The following DLGAP1 variants were observed in gnomAD, a reference collection of about 807,000 sequenced individuals.
DLGAP1 encodes DLG associated protein 1, also known as disks large-associated protein 1.
In DLGAP1, 11 loss-of-function variants were observed where a neutral mutation model predicts 90.8. That is an observed-to-expected ratio of 0.12 (90% CI 0.08 to 0.20). The LOEUF is 0.20. Among genes scored for constraint, DLGAP1 ranks in the 10% least tolerant of loss-of-function variants. The pLI is 1.00. For synonymous variants in DLGAP1, 558 were observed against 540.7 expected, an observed-to-expected ratio of 1.03 and a Z score of -0.44; for missense variants, 1,050 against 1,333.8, an observed-to-expected ratio of 0.79 and a Z score of 3.31.
chr18:4,207,222 C>T (rs1380525600), intron 1 of DLGAP1, among the ~76,000 whole-genome samples: 7 of 152,154 alleles, frequency 4.6e-5, no homozygotes, highest in Non-Finnish European at 1.0e-4. Context: ...AGGGAACTTA[C>T]AACAATGGCG....
At chr18:3,874,576 C>T in intron 4 of DLGAP1, 2 of 1,505,886 alleles carry the variant, frequency 1.3e-6, no homozygotes, top group South Asian at 2.5e-5. Context: ...ATCTCTGAAC[C>T]TCTTCCTATT....
intron 4 of DLGAP1, among the ~76,000 whole-genome samples, chr18:3,864,769 G>A (rs1377776694): frequency 2.0e-5 from 3 of 152,078 alleles, no homozygotes; most frequent in Admixed American, 6.5e-5. Flanking sequence ...CACCGTTTAT[G>A]CACTGGATAC....
chr18:4,385,984 G>T (rs976879720), intron 1 of DLGAP1, among the ~76,000 whole-genome samples: 1 of 152,114 alleles, frequency 6.6e-6, no homozygotes, highest in African/African-American at 2.4e-5. Context: ...TATGGAATGA[G>T]AACTGGGACT....
At chr18:3,930,214 A>C (rs906356194) in intron 3 of DLGAP1, among the ~76,000 whole-genome samples, 4 of 152,210 alleles carry the variant, frequency 2.6e-5, no homozygotes, top group Admixed American at 6.5e-5. Context: ...TGCTGTGAAC[A>C]CATTCTTTTC....
At chr18:4,031,306 G>C (rs1598270390) in intron 2 of DLGAP1, among the ~76,000 whole-genome samples, 1 of 151,962 alleles carries the variant, frequency 6.6e-6, no homozygotes, top group African/African-American at 2.4e-5. Flanking sequence ...AGTATCAAAA[G>C]TTGGCTTCCT....
intron 3 of DLGAP1, chr18:3,978,431 G>A: frequency 3.2e-6 from 1 of 308,612 alleles, no homozygotes; most frequent in Non-Finnish European, 6.4e-6. Context: ...CCCATTCTCA[G>A]TCTTGACAGT....
chr18:3,688,561 T>C (rs2060781639), intron 7 of DLGAP1, among the ~76,000 whole-genome samples: 1 of 151,650 alleles, frequency 6.6e-6, no homozygotes. Flanking sequence ...TTACTGTTGA[T>C]AATATTTGCT....
intron 1 of DLGAP1, among the ~76,000 whole-genome samples, chr18:4,296,019 A>T (rs981968168): frequency 1.3e-5 from 2 of 152,222 alleles, no homozygotes; most frequent in South Asian, 2.1e-4. Flanking sequence ...AAACAGTTTT[A>T]AAAAAGTATA....
chr18:4,158,165 C>T (rs910885146), intron 1 of DLGAP1, among the ~76,000 whole-genome samples: 1 of 151,998 alleles, frequency 6.6e-6, no homozygotes, highest in South Asian at 2.1e-4. Flanking sequence ...TACATATGTA[C>T]GATCTATGAA....
chr18:3,631,768 A>G (rs564269399), intron 7 of DLGAP1, among the ~76,000 whole-genome samples: 7 of 87,964 alleles, frequency 8.0e-5, no homozygotes, highest in Admixed American at 6.5e-4. Context: ...TAAATTAAAT[A>G]AAATTCACAA....
chr18:3,662,400 GA>G (rs903803612), intron 7 of DLGAP1, among the ~76,000 whole-genome samples: 6 of 151,976 alleles, frequency 3.9e-5, no homozygotes, highest in Admixed American at 1.3e-4. Flanking sequence ...TCTGAGCCCA[GA>G]CCAAAAAAGG....
chr18:3,733,822 C>T (rs1403549162), intron 6 of DLGAP1, among the ~76,000 whole-genome samples: 1 of 152,118 alleles, frequency 6.6e-6, no homozygotes, highest in Non-Finnish European at 1.5e-5. Flanking sequence ...CATGTTTTTC[C>T]TTGAGTGTAT....
At chr18:3,657,435 G>A (rs1054891826) in intron 7 of DLGAP1, among the ~76,000 whole-genome samples, 1 of 152,094 alleles carries the variant, frequency 6.6e-6, no homozygotes, top group Non-Finnish European at 1.5e-5. Flanking sequence ...CTGGTCCAAC[G>A]TTGAGTAAGA....
chr18:4,284,495 T>C (rs998892750), intron 1 of DLGAP1, among the ~76,000 whole-genome samples: 1 of 152,180 alleles, frequency 6.6e-6, no homozygotes, highest in Non-Finnish European at 1.5e-5. Context: ...GAGGAGACAG[T>C]TGTGGTTTCT....
At chr18:3,935,405 G>A (rs768614242) in intron 3 of DLGAP1, among the ~76,000 whole-genome samples, 2 of 152,208 alleles carry the variant, frequency 1.3e-5, no homozygotes, top group Non-Finnish European at 2.9e-5. Flanking sequence ...TGAAAGGTTA[G>A]CAGTATTTTA....
intron 3 of DLGAP1, among the ~76,000 whole-genome samples, chr18:3,985,021 C>T (rs2073814833): frequency 1.3e-5 from 2 of 152,114 alleles, no homozygotes; most frequent in South Asian, 4.1e-4. Context: ...GCCATTGTCC[C>T]TTCTTGGAAA....
chr18:4,108,887 T>C (rs7244379), intron 2 of DLGAP1, among the ~76,000 whole-genome samples: 77,402 of 151,760 alleles, frequency 0.51, 21,278 homozygotes, highest in African/African-American at 0.73. Context: ...CTCCAAATAA[T>C]GGAAGGGCTG....
chr18:3,506,444 C>T (rs1185105664), intron 11 of DLGAP1, among the ~76,000 whole-genome samples: 6 of 126,826 alleles, frequency 4.7e-5, no homozygotes, highest in African/African-American at 5.9e-5. Flanking sequence ...ACCCAGGAGG[C>T]GGAGGTTGCA....
At chr18:4,251,679 A>C (rs370617768) in intron 1 of DLGAP1, among the ~76,000 whole-genome samples, 1 of 152,212 alleles carries the variant, frequency 6.6e-6, no homozygotes, top group African/African-American at 2.4e-5. Context: ...CCACTATTAA[A>C]AAACAGTGGA....
Sources: gnomAD v4.1 joint callset for allele counts (sites outside exome capture counted in the v4.1 genomes callset) on GRCh38, gnomAD v4.1.1 for gene constraint, MANE v1.5 for transcripts, NCBI Gene and HGNC (gene_info 2026-07-23, HGNC 2026-07-21) for gene names.